FSD1L: variants seen among roughly 807,000 people sequenced by gnomAD.
FSD1L encodes FSD1-like protein.
FSD1L carries 45 observed loss-of-function variants against 71.6 expected under a neutral mutation model. The ratio of observed to expected loss-of-function variants is 0.63; its 90% confidence interval spans 0.49 to 0.81. FSD1L has a LOEUF of 0.81. FSD1L is among the 30% of genes least tolerant of loss of function. The pLI, the probability that FSD1L is intolerant of heterozygous loss-of-function variation, is 0.00. For synonymous variants in FSD1L, 197 were observed against 207.2 expected, an observed-to-expected ratio of 0.95 and a Z score of 0.42; for missense variants, 561 against 618.1, an observed-to-expected ratio of 0.91 and a Z score of 0.98.
At chr9:105,450,559 GT>G (rs1451513255) in intron 1 of FSD1L, among the ~76,000 whole-genome samples, 3 of 147,654 alleles carry the variant, frequency 2.0e-5, no homozygotes, top group African/African-American at 7.6e-5. Flanking sequence ...TTGAGACGGA[GT>G]TTTGCTCTTG....
chr9:105,543,891 A>T (rs1159889806), intron 13 of FSD1L, among the ~76,000 whole-genome samples: 2 of 152,228 alleles, frequency 1.3e-5, no homozygotes, highest in African/African-American at 2.4e-5. Context: ...CGCAATAAAC[A>T]TACATGTGCA....
intron 9 of FSD1L, among the ~76,000 whole-genome samples, chr9:105,511,280 C>A (rs1834381551): frequency 6.6e-6 from 1 of 151,206 alleles, no homozygotes; most frequent in South Asian, 2.1e-4. Context: ...CTTAGGATTT[C>A]TTCCTTTTTT....
rs1389456687 is a variant in FSD1L at position 105,548,305 on chromosome 9, A to T, written c.*1822A>T. On this transcript the variant is annotated 3_prime_UTR_variant, in exon 14 of 14. Transcript: ENST00000481272. ...GGATCTAAATGAATGGGAATTTATA[A>T]TTCCTTTCATAGACTCAAACCTGAA... 6.6e-6 allele frequency: 1 copy of T among 152,344 alleles called. No individual in the cohort carries two copies. Among genetic ancestry groups the T allele is most frequent in the Non-Finnish European group, 1.5e-5 (1 of 67,982 alleles). 9.4% of individuals were successfully genotyped at this position (152,344 alleles called of 1,614,324 possible).
rs866704083 is a variant in FSD1L at position 105,539,280 on chromosome 9, G to T, written c.1396G>T (p.Asp466Tyr). Residue 466 changes from aspartate (D) to tyrosine (Y), a missense_variant, in exon 13 of 14, where the codon GAT becomes TAT. Coordinates refer to ENST00000481272, the MANE Select transcript of FSD1L (RefSeq NM_001145313.3). ...DFDGGQLSFY[D>Y]ANSKQLLYSF... ...TTTTTTAGGTCAACTTTCATTCTAT[G>T]ATGCAAATTCTAAACAGTTGCTATA... 1 of 1,477,678 alleles carries T rather than the reference G, an allele frequency of 6.8e-7. No homozygotes were observed. The allele number at this position is 1,477,678 out of a possible 1,614,324, so 91.5% of individuals were successfully genotyped here. A position where few individuals can be genotyped will look rare whatever the true frequency, so the allele number is the denominator to read the frequency against.
At chr9:105,454,968 C>T (rs1030085224) in intron 1 of FSD1L, among the ~76,000 whole-genome samples, 1 of 152,146 alleles carries the variant, frequency 6.6e-6, no homozygotes, top group Non-Finnish European at 1.5e-5. Context: ...TGATTAGATT[C>T]CTGAATTTCC....
chr9:105,522,901 C>G (rs992074462), intron 10 of FSD1L: 40 of 1,609,852 alleles, frequency 2.5e-5, no homozygotes, highest in Non-Finnish European at 3.3e-5. Context: ...CAGATGCGCC[C>G]TATTGATGAC....
At chr9:105,516,293 A>C (rs1462367826) in intron 10 of FSD1L, among the ~76,000 whole-genome samples, 1 of 152,214 alleles carries the variant, frequency 6.6e-6, no homozygotes, top group Non-Finnish European at 1.5e-5. Context: ...CCTGCCTGAC[A>C]GCTCTGAAGA....
intron 10 of FSD1L, among the ~76,000 whole-genome samples, chr9:105,515,481 C>T (rs1834654475): frequency 6.6e-6 from 1 of 152,166 alleles, no homozygotes; most frequent in South Asian, 2.1e-4. Flanking sequence ...AACTGGGGTA[C>T]CCGGTTCATC....
chr9:105,479,489 C>A, intron 6 of FSD1L, 113 bp downstream of exon 6: 3 of 854,290 alleles, frequency 3.5e-6, no homozygotes, highest in Non-Finnish European at 5.4e-6. Context: ...ACCCAATGAC[C>A]AAGTACAAAA....
chr9:105,543,231 A>T (rs1477931553), intron 13 of FSD1L, among the ~76,000 whole-genome samples: 1 of 152,120 alleles, frequency 6.6e-6, no homozygotes, highest in African/African-American at 2.4e-5. Flanking sequence ...GGTATAATTG[A>T]AGGTGATGAT....
chr9:105,452,715 C>CTTCCTTCA, intron 1 of FSD1L, among the ~76,000 whole-genome samples: 1 of 147,206 alleles, frequency 6.8e-6, no homozygotes, highest in Non-Finnish European at 1.5e-5. Context: ...TCCTTCCTTC[C>CTTCCTTCA]TTCTTTCCTT....
At chr9:105,490,477 T>C (rs1199928543) in intron 7 of FSD1L, among the ~76,000 whole-genome samples, 2 of 152,052 alleles carry the variant, frequency 1.3e-5, no homozygotes, top group Non-Finnish European at 2.9e-5. Context: ...CTGATGGTAG[T>C]TTCTTTTGCT....
chr9:105,534,460 A>G (rs1211351588), intron 10 of FSD1L, 33 bp from the exon 11 acceptor site: 3 of 1,153,600 alleles, frequency 2.6e-6, no homozygotes, highest in Non-Finnish European at 3.8e-6. Context: ...AGTATAAAAT[A>G]TTTGTTTTTC....
Position 105,525,914 on chromosome 9 carries a change from A to T in FSD1L, c.1026-8579A>T. On this transcript the variant is annotated intron_variant, in intron 10 of 13. Transcript: ENST00000481272. The stretch of plus-strand genomic sequence containing the variant: ...CACATGTCAACAAGAATGCCTTCTG[A>T]TTCTGATGATTCTTTGACCAAAAAA... 6 of 1,557,874 alleles carry T rather than the reference A, an allele frequency of 3.9e-6. No homozygotes were observed. The South Asian group carries it at 5.6e-5, about 14-fold the overall frequency.
chr9:105,513,664 T>C, intron 10 of FSD1L: 3 of 1,480,156 alleles, frequency 2.0e-6, no homozygotes, highest in African/African-American at 1.4e-5. Context: ...TTCTAGGACT[T>C]AGTAAAATCT....
rs575043413 is a variant in FSD1L, at chr9:105,527,715, AAAG to A, written c.1026-6775_1026-6773del. 8.0e-3 allele frequency among the ~76,000 whole-genome samples: 1,215 copies of A among 151,440 alleles called. 18 individuals are homozygous for A. Among genetic ancestry groups the A allele is most frequent in the African/African-American group, 0.028 (1,160 of 41,124 alleles). ...TAAAAATATTCTTATCAAAAAAAAA[AAAG>A]AAAAGAAAACCAGCACAAGACAAGG... On this transcript the variant is annotated intron_variant, in intron 10 of 13. Transcript: ENST00000481272.
intron 7 of FSD1L, among the ~76,000 whole-genome samples, chr9:105,496,464 A>T (rs1401258330): frequency 6.6e-6 from 1 of 152,236 alleles, no homozygotes; most frequent in African/African-American, 2.4e-5. Context: ...ATTGCAATCA[A>T]TCTGTAGGTC....
upstream of FSD1L, chr9:105,447,974 C>T (rs1048815619): frequency 5.5e-6 from 3 of 542,200 alleles, no homozygotes; most frequent in African/African-American, 2.0e-5. Flanking sequence ...TTCCCGGGAG[C>T]AGTCAGCCGC....
In FSD1L at chr9:105,448,150, T is replaced by C. The variant is rs1829739187; in HGVS notation, c.-71T>C. The C allele has an allele frequency of 2.7e-6, 4 of 1,482,852 alleles. No individual in the cohort carries two copies. Among genetic ancestry groups the C allele is most frequent in the Non-Finnish European group, 3.7e-6 (4 of 1,088,622 alleles). 91.9% of individuals were successfully genotyped at this position (1,482,852 alleles called of 1,614,324 possible). A position where few individuals can be genotyped will look rare whatever the true frequency, so the allele number is the denominator to read the frequency against. ...TGCAGTGAGTAGCGGTCTTGGGGTG[T>C]GCGATCTCGCTGAGCCTCCTCACAC... On this transcript the variant is annotated 5_prime_UTR_variant, in exon 1 of 14. Transcript: ENST00000481272.
Sources: allele counts gnomAD v4.1 joint callset (sites outside exome capture counted in the v4.1 genomes callset), GRCh38; gene constraint gnomAD v4.1.1; transcripts MANE v1.5; gene names NCBI Gene and HGNC (gene_info 2026-07-23, HGNC 2026-07-21).